Variants in AHNAK2 observed in about 807,000 individuals in gnomAD.
AHNAK2 encodes AHNAK nucleoprotein 2, also known as protein AHNAK2.
In AHNAK2, 18 loss-of-function variants were observed where a neutral mutation model predicts 30.7. The observed-to-expected ratio is 0.59, with a 90% confidence interval of 0.41 to 0.87. The LOEUF (loss-of-function observed/expected upper bound fraction) is 0.87. Ranked by LOEUF, AHNAK2 falls within the 40% of genes least tolerant of loss-of-function variation. The probability of loss-of-function intolerance (pLI) is 0.00; values close to 1 mark genes in which losing one functional copy is unlikely to be tolerated. For synonymous variants in AHNAK2, 3,590 were observed against 3,073.8 expected (o/e 1.17, Z -5.56); for missense variants, 8,604 against 7,373.0 (o/e 1.17, Z -6.11).
Position 104,950,706 on chromosome 14 carries a change from G to A in AHNAK2, c.4745C>T (p.Pro1582Leu), listed in dbSNP as rs760623494. 1.2e-5 allele frequency: 19 copies of A among 1,587,542 alleles called. 1 individual carries two copies. In the East Asian group the frequency reaches 2.5e-4, roughly 21 times the overall value. ...GTCCACTTTGGGCATCTTGAAACTGGGCATCTGCACTTTGGGCAGGTGCCC... is the reference window on the plus strand; with the variant it reads ...GTCCACTTTGGGCATCTTGAAACTGAGCATCTGCACTTTGGGCAGGTGCCC... ...LKGHLPKVQM[P>L]SFKMPKVDLK... Residue 1582 changes from proline (P) to leucine (L), a missense_variant, in exon 7 of 7, where the codon CCC becomes CTC. Physicochemically the swap from Pro to Leu is moderately conservative, Grantham distance 98. Coordinates refer to ENST00000333244, the MANE Select transcript of AHNAK2 (RefSeq NM_138420.4).
intron 1 of AHNAK2, among the ~76,000 whole-genome samples, chr14:104,961,512 TAA>T (rs59059216): frequency 7.1e-5 from 10 of 139,916 alleles, no homozygotes; most frequent in Admixed American, 7.1e-5. Context: ...GACCCCATCT[TAA>T]AAAAAAAAAA....
Position 104,940,010 on chromosome 14 carries a change from A to C in AHNAK2, c.15441T>G (p.Cys5147Trp). Residue 5147 changes from cysteine (C) to tryptophan (W), a missense_variant, in exon 7 of 7, where the codon TGT (cysteine) becomes TGG (tryptophan). By Grantham distance (215) the Cys-to-Trp change is radical (BLOSUM62 -2). Transcript: ENST00000333244. This position sits in a 1 kb window ranked among gnomAD's most constrained non-coding sequence, Gnocchi z 4.4. ...CAGGTGTGGGGGCTATCCCCTCCCC[A>C]CAAGGCTGGCTCACTGGGACATCCC... is the stretch of plus-strand genomic sequence containing the variant. The part of the protein sequence containing the change: ...GLGDVPVSQP[C>W]GEGIAPTPED... 6.2e-7 allele frequency: 1 copy of C among 1,612,716 alleles called. No individual in the cohort carries two copies. The highest frequency in any genetic ancestry group is 1.6e-4 in the Middle Eastern group (1 of 6,062).
rs1330105689 is a variant in AHNAK2 at position 104,954,403 on chromosome 14, C to A, written c.1048G>T (p.Val350Leu). The A allele has an allele frequency of 1.2e-6, 2 of 1,613,044 alleles. No individual in the cohort carries two copies. Among genetic ancestry groups the A allele is most frequent in the Admixed American group, 1.7e-5 (1 of 60,016 alleles). Residue 350 changes from valine to leucine, a missense_variant, in exon 7 of 7, where the codon GTG becomes TTG. Coordinates refer to ENST00000333244, the MANE Select transcript of AHNAK2 (RefSeq NM_138420.4). The surrounding 1 kb of genome is among the most constrained non-coding windows in gnomAD (Gnocchi z 4.3). ...TCTTCCAGGACCCCAGCACGGCCCA[C>A]CCCACTCTGGAACCCCCTGCCTGGC... Reference protein sequence around the residue: ...GQPGRGFQSGVGRAGVLEELG... With the variant: ...GQPGRGFQSGLGRAGVLEELG...
rs373858426 is a variant in AHNAK2, at chr14:104,939,793, C to A, written c.15658G>T (p.Ala5220Ser). 16 of 1,613,724 alleles carry A rather than the reference C, an allele frequency of 9.9e-6. No individual in the cohort carries two copies. Among genetic ancestry groups the A allele is most frequent in the Non-Finnish European group, 1.4e-5 (16 of 1,179,898 alleles). Residue 5220 changes from alanine (A) to serine (S), a missense_variant, in exon 7 of 7, where the codon GCA becomes TCA. Ala to Ser is a moderately conservative substitution (Grantham distance 99, BLOSUM62 1). Transcript: ENST00000333244. Reference protein sequence around the residue: ...AGKLEVAQTQAPAATGGEAAA... With the variant: ...AGKLEVAQTQSPAATGGEAAA... The stretch of plus-strand genomic sequence containing the variant: ...GCTTCACCCCCTGTTGCTGCCGGTG[C>A]CTGTGTCTGAGCCACTTCCAGCTTT...
rs1898275990 is a variant in AHNAK2 at position 104,946,475 on chromosome 14, G to A, written c.8976C>T (p.Ala2992=). 1.2e-6 allele frequency: 2 copies of A among 1,612,330 alleles called. No homozygotes were observed. Among genetic ancestry groups the A allele is most frequent in the East Asian group, 4.5e-5 (2 of 44,666 alleles). ...CCGAGACCTCAATGGACTTGCCTGG[G>A]GCAGACACCCCGAACGACGGCATCT... ...KFKMPSFGVS[A]PGKSIEVSVD... The change falls in exon 7 of 7, where the codon GCC becomes GCT. Residue 2992 remains alanine, a synonymous_variant. Coordinates refer to ENST00000333244, the MANE Select transcript of AHNAK2 (RefSeq NM_138420.4).
rs1223501433 is a variant in AHNAK2, at chr14:104,944,699, G to A, written c.10752C>T (p.Asp3584=). ...TCACTTCTGCCTTGGGGCCTTTCAG[G>A]TCCAGCTTGGGGCCCTTAACATCTA... ...PQIDVKGPKL[D]LKGPKAEVRV... The change falls in exon 7 of 7, where the codon GAC becomes GAT. Residue 3584 remains aspartate (D), a synonymous_variant. Coordinates refer to ENST00000333244, the MANE Select transcript of AHNAK2 (RefSeq NM_138420.4). 6.2e-7 allele frequency: 1 copy of A among 1,612,630 alleles called. No homozygotes were observed. Among genetic ancestry groups the A allele is most frequent in the South Asian group, 1.1e-5 (1 of 91,024 alleles).
At position 104,953,216 on chromosome 14, in the gene AHNAK2, C is replaced by T; in HGVS notation, c.2235G>A (p.Glu745=). 2.5e-6 allele frequency: 4 copies of T among 1,613,042 alleles called. No individual in the cohort carries two copies. The highest frequency in any genetic ancestry group is 3.4e-6 in the Non-Finnish European group (4 of 1,179,660). ...QDGQVDVKLP[E]GPLPEGASLK... ...GGCTGGCTCCCTCGGGCAGGGGGCC[C>T]TCCGGAAGTTTCACATCCACTTGGC... Residue 745 remains glutamate (E), a synonymous_variant, in exon 7 of 7, where the codon GAG becomes GAA. Transcript: ENST00000333244.
At chr14:104,963,205 T>C (rs1899199778) in intron 1 of AHNAK2, among the ~76,000 whole-genome samples, 3 of 152,128 alleles carry the variant, frequency 2.0e-5, no homozygotes, top group Admixed American at 2.0e-4. Context: ...GTTCAATAAG[T>C]ACAAGGAAAG....
chr14:104,977,463 G>A (rs927408093), intron 1 of AHNAK2, among the ~76,000 whole-genome samples: 124 of 152,356 alleles, frequency 8.1e-4, no homozygotes, highest in African/African-American at 2.9e-3. Context: ...GGGCATGCCA[G>A]TAGGTAGCAC....
At position 104,948,205 on chromosome 14, in the gene AHNAK2, G is replaced by T; in HGVS notation, c.7246C>A (p.Leu2416Ile). Residue 2416 changes from leucine to isoleucine, a missense_variant, in exon 7 of 7, where the codon CTC (leucine) becomes ATC (isoleucine). By Grantham distance (5) the Leu-to-Ile change is conservative (BLOSUM62 2). Coordinates refer to ENST00000333244, the MANE Select transcript of AHNAK2 (RefSeq NM_138420.4). The part of the protein sequence containing the change: ...MPSFKMPKVD[L>I]KGPQIDVKGP... ...TTGACATCTATCTGGGGGCCCTTGA[G>T]ATCTACTTTGGGCATCTTGAAACTG... 1 of 1,612,574 alleles carries T rather than the reference G, an allele frequency of 6.2e-7. No individual in the cohort carries two copies. The highest frequency in any genetic ancestry group is 1.1e-5 in the South Asian group (1 of 91,020).
In AHNAK2 at chr14:104,941,691, A is replaced by C. The variant is rs1165736978; in HGVS notation, c.13760T>G (p.Val4587Gly). ...CTCCACGCTGGGCAGAGACACCTCC[A>C]CATCGGGGGCCATCACCTCTGCCTT... ...GPKAEVMAPD[V>G]EVSLPSVETD... Residue 4587 changes from valine (V) to glycine (G), a missense_variant, in exon 7 of 7, where the codon GTG becomes GGG. Physicochemically the swap from Val to Gly is moderately radical, Grantham distance 109 (BLOSUM62 -3). Transcript: ENST00000333244. 6.2e-7 allele frequency: 1 copy of C among 1,613,486 alleles called. No individual in the cohort carries two copies. Among genetic ancestry groups the C allele is most frequent in the African/African-American group, 1.3e-5 (1 of 74,896 alleles).
chr14:104,939,186 G>C lies in AHNAK2; in HGVS notation c.16265C>G (p.Thr5422Arg), dbSNP rs1172588994. The C allele has an allele frequency of 6.8e-6, 11 of 1,613,602 alleles. No individual in the cohort carries two copies. Among genetic ancestry groups the C allele is most frequent in the Admixed American group, 1.7e-5 (1 of 59,992 alleles). Residue 5422 changes from threonine to arginine, a missense_variant, in exon 7 of 7, where the codon ACA becomes AGA. Physicochemically the swap from Thr to Arg is moderately conservative, Grantham distance 71 (BLOSUM62 -1). Coordinates refer to ENST00000333244, the MANE Select transcript of AHNAK2 (RefSeq NM_138420.4). ...CCCCGGACTTTCCTTACAAAGGGCT[G>C]TATCAATATTGGCCTCTGGACACTG... The part of the protein sequence containing the change: ...EVQCPEANID[T>R]ALCKESPGLW...
At chr14:104,969,827 T>A (rs548065734) in intron 1 of AHNAK2, among the ~76,000 whole-genome samples, 1 of 152,254 alleles carries the variant, frequency 6.6e-6, no homozygotes, top group East Asian at 1.9e-4. Context: ...CTGAGCCAGT[T>A]TCCCTGGGCT....
Position 104,939,218 on chromosome 14 carries a change from C to T in AHNAK2, c.16233G>A (p.Arg5411=), listed in dbSNP as rs1897906204. Residue 5411 remains arginine (R), a synonymous_variant, in exon 7 of 7, where the codon AGG becomes AGA. Coordinates refer to ENST00000333244, the MANE Select transcript of AHNAK2 (RefSeq NM_138420.4). ...SEDDVFIPTV[R]EVQCPEANID... is the part of the protein sequence containing the mutation. ...TATTGGCCTCTGGACACTGCACTTCCCTCACAGTGGGGATGAACACATCAT... is the reference window on the plus strand; with the variant it reads ...TATTGGCCTCTGGACACTGCACTTCTCTCACAGTGGGGATGAACACATCAT... The T allele has an allele frequency of 6.2e-7, 1 of 1,613,898 alleles. No homozygotes were observed. Among genetic ancestry groups the T allele is most frequent in the Non-Finnish European group, 8.5e-7 (1 of 1,179,902 alleles).
chr14:104,949,870 A>C lies in AHNAK2; in HGVS notation c.5581T>G (p.Ser1861Ala). Residue 1861 changes from serine to alanine, a missense_variant, in exon 7 of 7, where the codon TCC becomes GCC. By Grantham distance (99) the Ser-to-Ala change is moderately conservative. Transcript: ENST00000333244. ...GTGGTCTTGAGGTCCCCCTGCATGGAGGGGAGGCTCACTTCGGCCTCCACC... is the reference window on the plus strand; with the variant it reads ...GTGGTCTTGAGGTCCCCCTGCATGGCGGGGAGGCTCACTTCGGCCTCCACC... ...PKVEAEVSLP[S>A]MQGDLKTTDL... The C allele has an allele frequency of 1.9e-6, 3 of 1,588,010 alleles. No individual in the cohort carries two copies. The South Asian group carries it at 3.3e-5, about 18-fold the overall frequency.
Position 104,943,716 on chromosome 14 carries a change from T to C in AHNAK2, c.11735A>G (p.Lys3912Arg), listed in dbSNP as rs1022350284. The change falls in exon 7 of 7, where the codon AAG becomes AGG. Residue 3912 changes from lysine (K) to arginine (R), a missense_variant. Transcript: ENST00000333244. ...CACCTTGGGGTCTTTTAGGTCCAGC[T>C]TGGGGCCCTTGATGTCTATTTCAGG... ...KGPEIDIKGP[K>R]LDLKDPKVEV... 1.2e-6 allele frequency: 2 copies of C among 1,612,740 alleles called. No individual in the cohort carries two copies. Among genetic ancestry groups the C allele is most frequent in the Non-Finnish European group, 1.7e-6 (2 of 1,179,482 alleles).
chr14:104,965,401 C>CAAAAAAAAAAAAA (rs397853385), intron 1 of AHNAK2, among the ~76,000 whole-genome samples: 11 of 85,512 alleles, frequency 1.3e-4, no homozygotes, highest in South Asian at 7.8e-4. Flanking sequence ...AACTCTGTCT[C>CAAAAAAAAAAAAA]AAAAAAAAAA....
At position 104,955,044 on chromosome 14, in the gene AHNAK2, G is replaced by C; in HGVS notation, c.564C>G (p.Phe188Leu). 6.2e-7 allele frequency: 1 copy of C among 1,613,672 alleles called. No individual in the cohort carries two copies. Among genetic ancestry groups the C allele is most frequent in the Non-Finnish European group, 8.5e-7 (1 of 1,179,882 alleles). Residue 188 changes from phenylalanine to leucine, a missense_variant, in exon 6 of 7, where the codon TTC becomes TTG. Phe to Leu is a conservative substitution (Grantham distance 22, BLOSUM62 0). Transcript: ENST00000333244. ...LQYSEPYKVQFKIRRQLPAPQ... is the reference protein window; with the variant it reads ...LQYSEPYKVQLKIRRQLPAPQ... ...GGGCAGGGAGCTGCCGTCTGATTTT[G>C]AACTGAACCTTGTACGGCTCTGAAT...
intron 1 of AHNAK2, among the ~76,000 whole-genome samples, chr14:104,957,927 A>C (rs1899028580): frequency 6.6e-6 from 1 of 152,190 alleles, no homozygotes; most frequent in African/African-American, 2.4e-5. Context: ...CAAGAAAGTG[A>C]CTAAACAAAC....
Sources: gnomAD v4.1 joint callset for allele counts (sites outside exome capture counted in the v4.1 genomes callset) on GRCh38, gnomAD v4.1.1 for gene constraint, Gnocchi (gnomAD v3.1) non-coding constraint, MANE v1.5 for transcripts, NCBI Gene and HGNC (gene_info 2026-07-23, HGNC 2026-07-21) for gene names.